The following FMNL2 variants were observed in gnomAD, a reference collection of about 807,000 sequenced individuals.
FMNL2 encodes formin like 2.
A neutral mutation model predicts 130.2 loss-of-function variants in FMNL2; 51 were observed. That is an observed-to-expected ratio of 0.39 (90% confidence interval 0.31 to 0.49). The LOEUF (loss-of-function observed/expected upper bound fraction) is 0.49. Ranked by LOEUF, FMNL2 falls within the 20% of genes least tolerant of loss-of-function variation. The pLI is 0.85. For missense variants in FMNL2, 977 were observed against 1,316.2 expected, an observed-to-expected ratio of 0.74 and a Z score of 3.99; for synonymous variants, 465 against 467.1, an observed-to-expected ratio of 1.00 and a Z score of 0.06.
chr2:152,573,159 A>G (rs1696274616), intron 6 of FMNL2, among the ~76,000 whole-genome samples: 2 of 152,248 alleles, frequency 1.3e-5, no homozygotes, highest in South Asian at 4.1e-4. Flanking sequence ...ATTTAAAAAG[A>G]GAAACTTGCT....
Position 152,640,846 on chromosome 2 carries a change from G to C in FMNL2, c.3101G>C (p.Arg1034Thr). ...CAAGAGTTAATTGCAGAATTAAGAA[G>C]ACGACAAGTTAAAGATAACAGACAT... is the stretch of plus-strand genomic sequence containing the variant. ...QQQELIAELR[R>T]RQVKDNRHVY... Residue 1034 changes from arginine to threonine, a missense_variant, in exon 25 of 26, where the codon AGA (arginine) becomes ACA (threonine). Physicochemically the swap from Arg to Thr is moderately conservative, Grantham distance 71. Around this residue, in one of 4 missense-constraint regions of FMNL2, gnomAD observed 168 missense variants for 168.8 expected, o/e 1.00. Transcript: ENST00000288670. 1 of 1,613,812 alleles carries C rather than the reference G, an allele frequency of 6.2e-7. No individual in the cohort carries two copies. Among genetic ancestry groups the C allele is most frequent in the Non-Finnish European group, 8.5e-7 (1 of 1,179,786 alleles).
chr2:152,581,648 T>C (rs545144087), intron 9 of FMNL2, among the ~76,000 whole-genome samples: 3 of 152,100 alleles, frequency 2.0e-5, no homozygotes, highest in African/African-American at 7.2e-5. Context: ...CCTGCCCCAG[T>C]GTATCCAAAC....
At chr2:152,630,291 G>A (rs751344338) in intron 20 of FMNL2, among the ~76,000 whole-genome samples, 2 of 152,160 alleles carry the variant, frequency 1.3e-5, no homozygotes, top group African/African-American at 2.4e-5. Context: ...TTTGTGTTTA[G>A]AAAAGAAAGC....
At chr2:152,486,447 C>G (rs1490387050) in intron 1 of FMNL2, among the ~76,000 whole-genome samples, 1 of 152,194 alleles carries the variant, frequency 6.6e-6, no homozygotes, top group African/African-American at 2.4e-5. Flanking sequence ...ATGTGAACTA[C>G]TGTACAATAA....
intron 1 of FMNL2, among the ~76,000 whole-genome samples, chr2:152,405,472 A>G (rs1018014540): frequency 6.6e-6 from 1 of 152,218 alleles, no homozygotes; most frequent in Non-Finnish European, 1.5e-5. Flanking sequence ...TTACCTCTGG[A>G]AAAACCCCAA....
intron 9 of FMNL2, among the ~76,000 whole-genome samples, chr2:152,587,565 C>T (rs1172518878): frequency 1.3e-5 from 2 of 152,152 alleles, no homozygotes; most frequent in Non-Finnish European, 2.9e-5. Flanking sequence ...TTAATTCTTT[C>T]ATGTGAATCT....
chr2:152,607,006 G>GTTTTTTTTTTTTT (rs58237890), intron 9 of FMNL2, among the ~76,000 whole-genome samples: 30 of 84,836 alleles, frequency 3.5e-4, no homozygotes, highest in South Asian at 8.7e-4. Flanking sequence ...TTTTTTTTTT[G>GTTTTTTTTTTTTT]TTTTTTTTTT....
chr2:152,359,481 CTTT>C (rs10694393), intron 1 of FMNL2, among the ~76,000 whole-genome samples: 1 of 73,052 alleles, frequency 1.4e-5, no homozygotes, highest in African/African-American at 3.4e-5. Flanking sequence ...AAGAGGTAGC[CTTT>C]TTTTTTTTTT....
intron 1 of FMNL2, among the ~76,000 whole-genome samples, chr2:152,502,425 G>A (rs906466094): frequency 1.3e-5 from 2 of 152,234 alleles, no homozygotes; most frequent in African/African-American, 4.8e-5. Flanking sequence ...GGTGGCTCAT[G>A]CCTGTAATTC....
At chr2:152,569,806 C>T (rs570859971) in intron 6 of FMNL2, among the ~76,000 whole-genome samples, 16 of 151,114 alleles carry the variant, frequency 1.1e-4, no homozygotes, top group South Asian at 8.4e-4. Flanking sequence ...GCCAGGAGTT[C>T]GAGACCAGCC....
At chr2:152,643,512 C>T (rs1474744379) in intron 25 of FMNL2, 1 of 1,536,120 alleles carries the variant, frequency 6.5e-7, no homozygotes, top group Non-Finnish European at 8.7e-7. Flanking sequence ...CATTACTAAA[C>T]TATTACTCTT....
chr2:152,628,807 G>A (rs1394039507), intron 18 of FMNL2, among the ~76,000 whole-genome samples: 1 of 152,148 alleles, frequency 6.6e-6, no homozygotes. Flanking sequence ...AAAAGGACAG[G>A]GGACAAAGAA....
intron 2 of FMNL2, among the ~76,000 whole-genome samples, chr2:152,538,014 A>G (rs2678299): frequency 0.76 from 116,064 of 152,090 alleles, 44,590 homozygotes; most frequent in East Asian, 0.94. Flanking sequence ...GTGAGCTAAG[A>G]GGTCTAAAGA....
intron 11 of FMNL2, 94 bp downstream of exon 11, chr2:152,611,699 T>A: frequency 1.3e-6 from 1 of 778,654 alleles, no homozygotes. Flanking sequence ...AAAGAATGCC[T>A]AAAGCTCTAT....
At chr2:152,450,486 T>C (rs1289062026) in intron 1 of FMNL2, among the ~76,000 whole-genome samples, 1 of 152,226 alleles carries the variant, frequency 6.6e-6, no homozygotes, top group Non-Finnish European at 1.5e-5. Context: ...TACTTAAAGA[T>C]GAAAACTAAA....
Position 152,647,810 on chromosome 2 carries a change from C to T in FMNL2, c.3184C>T (p.Pro1062Ser). Residue 1062 changes from proline to serine, a missense_variant, in exon 26 of 26, where the codon CCA becomes TCA. Transcript: ENST00000288670. ...CCCCTTTACAGATCTTAGAAACCAACCATACAGACGAGCCGATGCGGTGAG... is the reference window on the plus strand; with the variant it reads ...CCCCTTTACAGATCTTAGAAACCAATCATACAGACGAGCCGATGCGGTGAG... ...EDIITDLRNQ[P>S]YRRADAVRRS... 6.2e-7 allele frequency: 1 copy of T among 1,613,934 alleles called. No individual in the cohort carries two copies. Among genetic ancestry groups the T allele is most frequent in the Non-Finnish European group, 8.5e-7 (1 of 1,179,854 alleles).
chr2:152,371,568 C>G lies in FMNL2; in HGVS notation c.117+35848C>G, dbSNP rs1317346591. On this transcript the variant is annotated intron_variant, in intron 1 of 25. Transcript: ENST00000288670. ...CCTGTAGTCCCAGCTACTTGGGAAG[C>G]TGAGGCAGGAGAATCGCTTGAACCT... Among the ~76,000 whole-genome samples, 3 of 149,288 alleles carry G rather than the reference C, an allele frequency of 2.0e-5. No individual in the cohort carries two copies. In the East Asian group the frequency reaches 6.1e-4, roughly 30 times the overall value.
chr2:152,595,221 G>A (rs181230298), intron 9 of FMNL2, among the ~76,000 whole-genome samples: 3 of 152,184 alleles, frequency 2.0e-5, no homozygotes, highest in Admixed American at 1.3e-4. Context: ...AGTAAATGGT[G>A]CTTTCTATGT....
intron 25 of FMNL2, among the ~76,000 whole-genome samples, chr2:152,647,549 G>A (rs1559040238): frequency 6.6e-6 from 1 of 152,194 alleles, no homozygotes; most frequent in Non-Finnish European, 1.5e-5. Context: ...GCCAGTGACA[G>A]AAATAATCTA....
Sources: gnomAD v4.1 joint callset for allele counts (sites outside exome capture counted in the v4.1 genomes callset) on GRCh38, gnomAD v4.1.1 for gene constraint, gnomAD v4.1.1 regional missense constraint, MANE v1.5 for transcripts, NCBI Gene and HGNC (gene_info 2026-07-23, HGNC 2026-07-21) for gene names.